BLK: variants seen among roughly 807,000 people sequenced by gnomAD.
BLK encodes tyrosine-protein kinase Blk.
In BLK, 64 loss-of-function variants were observed where a neutral mutation model predicts 61.8. The observed-to-expected ratio is 1.03, with a 90% confidence interval of 0.85 to 1.27. The LOEUF is 1.27. BLK is among the 50% of genes most tolerant of loss of function. BLK has a pLI of 0.00. For synonymous variants in BLK, 351 were observed against 272.0 expected, an observed-to-expected ratio of 1.29 and a Z score of -2.86; for missense variants, 853 against 660.5, an observed-to-expected ratio of 1.29 and a Z score of -3.19.
At position 11,561,326 on chromosome 8, in the gene BLK, G is replaced by C. The variant is rs1801496807; in HGVS notation, c.1054G>C (p.Glu352Gln). ...AQIAEGMAYIERMNSIHRDLR... is the reference protein window; with the variant it reads ...AQIAEGMAYIQRMNSIHRDLR... ...GATTGCTGAAGGGATGGCATACATT[G>C]AGCGCATGAATTCCATCCACCGCGA... Residue 352 changes from glutamate to glutamine, a missense_variant, in exon 11 of 13, where the codon GAG (glutamate) becomes CAG (glutamine). Physicochemically the swap from Glu to Gln is conservative, Grantham distance 29. Coordinates refer to ENST00000259089, the MANE Select transcript of BLK (RefSeq NM_001715.3). 1 of 1,613,914 alleles carries C rather than the reference G, an allele frequency of 6.2e-7. No homozygotes were observed. Among genetic ancestry groups the C allele is most frequent in the Non-Finnish European group, 8.5e-7 (1 of 1,179,904 alleles).
intron 1 of BLK, among the ~76,000 whole-genome samples, chr8:11,527,977 A>G (rs557372563): frequency 6.6e-6 from 1 of 152,154 alleles, no homozygotes; most frequent in East Asian, 1.9e-4. Context: ...TCTTAGTCTT[A>G]CAAGGGTGAT....
intron 8 of BLK, 31 bp downstream of exon 8, chr8:11,555,515 C>T: frequency 1.2e-6 from 2 of 1,613,574 alleles, no homozygotes. Context: ...GAGCATTTCT[C>T]CCCCCATTCC....
At chr8:11,497,309 C>G (rs1286253349) in intron 1 of BLK, among the ~76,000 whole-genome samples, 1 of 152,182 alleles carries the variant, frequency 6.6e-6, no homozygotes, top group Non-Finnish European at 1.5e-5. Flanking sequence ...TGCTACCCCA[C>G]AGCAGCCCTC....
Position 11,547,415 on chromosome 8 carries a change from A to G in BLK, c.176-617A>G, listed in dbSNP as rs11987137. The stretch of plus-strand genomic sequence containing the variant: ...CAGAGCTGTGCAGAGAGCCTGCGTC[A>G]CAGCAGGGCTCACTTGAAGATGGTG... On this transcript the variant is annotated intron_variant, in intron 3 of 12. Coordinates refer to ENST00000259089, the MANE Select transcript of BLK (RefSeq NM_001715.3). 9.3e-4 allele frequency among the ~76,000 whole-genome samples: 141 copies of G among 152,172 alleles called. 1 individual carries two copies. The South Asian group carries it at 0.028, about 30-fold the overall frequency.
intron 1 of BLK, among the ~76,000 whole-genome samples, chr8:11,505,295 T>C (rs947368337): frequency 6.6e-6 from 1 of 152,210 alleles, no homozygotes; most frequent in African/African-American, 2.4e-5. Flanking sequence ...TTCTTTCTAC[T>C]GTACAAAGTT....
chr8:11,559,646 G>C (rs999707690), intron 10 of BLK: 8 of 421,178 alleles, frequency 1.9e-5, no homozygotes, highest in African/African-American at 1.6e-4. Context: ...TCCAAGGCCA[G>C]ATCTGGCCAA....
intron 1 of BLK, among the ~76,000 whole-genome samples, chr8:11,536,057 TA>T (rs1800120005): frequency 6.6e-6 from 1 of 152,240 alleles, no homozygotes; most frequent in Non-Finnish European, 1.5e-5. Context: ...AGCAAGAAGC[TA>T]TTTTTAAGTC....
At chr8:11,519,719 G>A (rs1276835033) in intron 1 of BLK, among the ~76,000 whole-genome samples, 1 of 152,206 alleles carries the variant, frequency 6.6e-6, no homozygotes, top group Non-Finnish European at 1.5e-5. Flanking sequence ...GACATGAACA[G>A]ATCAAGGAAG....
At chr8:11,532,504 T>C (rs1470954181) in intron 1 of BLK, among the ~76,000 whole-genome samples, 1 of 152,048 alleles carries the variant, frequency 6.6e-6, no homozygotes, top group Non-Finnish European at 1.5e-5. Context: ...AGCCGCCACT[T>C]CTGGCCTCTC....
rs935637146 is a variant in BLK, at chr8:11,557,996, G to A, written c.987G>A (p.Gly329=). Residue 329 remains glycine, a synonymous_variant, in exon 10 of 13, where the codon GGG becomes GGA. Transcript: ENST00000259089. Reference sequence around the variant, plus strand: ...TGGATTTCCTGAAGACAGATGAAGGGAGCAGATTGTCACTCCCAAGGCTGA... The same window carrying A: ...TGGATTTCCTGAAGACAGATGAAGGAAGCAGATTGTCACTCCCAAGGCTGA... The part of the protein sequence containing the change: ...CLLDFLKTDE[G]SRLSLPRLID... The A allele has an allele frequency of 1.2e-6, 2 of 1,614,118 alleles. No individual in the cohort carries two copies.
Position 11,494,477 on chromosome 8 carries a change from G to C in BLK, c.-116G>C, listed in dbSNP as rs1401108359. On this transcript the variant is annotated 5_prime_UTR_variant, in exon 1 of 13. Coordinates refer to ENST00000259089, the MANE Select transcript of BLK (RefSeq NM_001715.3). ...AGATGAGAAGAATTCATCTGGGACT[G>C]GCTTTTGCTTTAGGATGGTGTTGGA... 6.6e-6 allele frequency: 1 copy of C among 152,258 alleles called. No homozygotes were observed. Among genetic ancestry groups the C allele is most frequent in the Non-Finnish European group, 1.5e-5 (1 of 68,068 alleles). 9.4% of individuals were successfully genotyped at this position (152,258 alleles called of 1,614,324 possible).
chr8:11,505,617 T>C lies in BLK; in HGVS notation c.-2+11026T>C, dbSNP rs146972167. Among the ~76,000 whole-genome samples the C allele has an allele frequency of 6.8e-3, 1,037 of 152,340 alleles. 9 individuals are homozygous for C. The highest frequency in any genetic ancestry group is 0.011 in the Non-Finnish European group (731 of 68,028). On this transcript the variant is annotated intron_variant, in intron 1 of 12. Coordinates refer to ENST00000259089, the MANE Select transcript of BLK (RefSeq NM_001715.3). Reference sequence around the variant, plus strand: ...TCCGCATCCTTGGAGCTCATTTCTCTGTCTTCAGAATCTGATGCTCCAATT... The same window carrying C: ...TCCGCATCCTTGGAGCTCATTTCTCCGTCTTCAGAATCTGATGCTCCAATT...
At chr8:11,555,668 A>C in intron 8 of BLK, 184 bp downstream of exon 8, 1 of 935,320 alleles carries the variant, frequency 1.1e-6, no homozygotes, top group Non-Finnish European at 1.6e-6. Context: ...GCGTTGTAAC[A>C]GCTGGGACCG....
rs190294691 is a variant in BLK, at chr8:11,535,648, C to T, written c.-1-7576C>T. 1.1e-3 allele frequency among the ~76,000 whole-genome samples: 171 copies of T among 152,258 alleles called. 4 individuals carry two copies. The highest frequency in any genetic ancestry group is 0.01 in the Admixed American group (159 of 15,298). ...AACCACTAATGGGACTTTTAAATGT[C>T]GGTGAGGAACTTGTCAATGGAGGAA... is the stretch of plus-strand genomic sequence containing the variant. On this transcript the variant is annotated intron_variant, in intron 1 of 12. Transcript: ENST00000259089.
chr8:11,516,389 C>T lies in BLK; in HGVS notation c.-2+21798C>T, dbSNP rs535656099. Among the ~76,000 whole-genome samples, 38 of 152,320 alleles carry T rather than the reference C, an allele frequency of 2.5e-4. 1 individual carries two copies. The highest frequency in any genetic ancestry group is 7.7e-4 in the East Asian group (4 of 5,188). On this transcript the variant is annotated intron_variant, in intron 1 of 12. Coordinates refer to ENST00000259089, the MANE Select transcript of BLK (RefSeq NM_001715.3). ...GCACTTGGTGGGTGGGTCTCACGAC[C>T]GCCCTTCCCCCTTGCGGTGCAAAGA...
intron 8 of BLK, 55 bp from the exon 9 acceptor site, chr8:11,556,603 A>C (rs1801236596): frequency 5.0e-6 from 8 of 1,611,394 alleles, no homozygotes; most frequent in Middle Eastern, 1.7e-4. Context: ...TTAAGGGATC[A>C]CCTCCGAGCA....
intron 10 of BLK, chr8:11,560,889 G>A: frequency 2.1e-6 from 1 of 466,742 alleles, no homozygotes; most frequent in Non-Finnish European, 4.3e-6. Flanking sequence ...TCCAGCTCCA[G>A]GAGCTGTGCT....
intron 8 of BLK, chr8:11,556,264 C>A (rs958473765): frequency 1.8e-4 from 57 of 317,486 alleles, no homozygotes; most frequent in African/African-American, 1.2e-3. Flanking sequence ...GAAGGAGACC[C>A]CCATGCGTCA....
chr8:11,563,506 C>G (rs879358048), intron 12 of BLK, among the ~76,000 whole-genome samples: 4 of 152,150 alleles, frequency 2.6e-5, no homozygotes, highest in African/African-American at 7.2e-5. Flanking sequence ...CAGCCCCAGT[C>G]GAAGGGCTCC....
Sources: allele counts gnomAD v4.1 joint callset (sites outside exome capture counted in the v4.1 genomes callset), GRCh38; gene constraint gnomAD v4.1.1; transcripts MANE v1.5; gene names NCBI Gene and HGNC (gene_info 2026-07-23, HGNC 2026-07-21).